Variants in RGS7 observed in about 807,000 individuals in gnomAD.
The protein encoded by RGS7 is regulator of G-protein signaling 7.
A neutral mutation model predicts 81.1 loss-of-function variants in RGS7; 27 were observed. The observed-to-expected ratio is 0.33, with a 90% CI of 0.25 to 0.46. The LOEUF (loss-of-function observed/expected upper bound fraction) is 0.46, where lower values mean the gene tolerates loss of function less well. Among genes scored for constraint, RGS7 ranks in the 20% least tolerant of loss-of-function variants. The pLI is 1.00. For missense variants in RGS7, 396 were observed against 607.4 expected, an observed-to-expected ratio of 0.65 and a Z score of 3.66; for synonymous variants, 208 against 207.7, an observed-to-expected ratio of 1.00 and a Z score of -0.01.
At chr1:240,813,269 A>G (rs1429336551) in intron 13 of RGS7, among the ~76,000 whole-genome samples, 1 of 152,242 alleles carries the variant, frequency 6.6e-6, no homozygotes, top group East Asian at 1.9e-4. Context: ...TGGCTTTAGC[A>G]TTCACTTTAC....
intron 4 of RGS7, among the ~76,000 whole-genome samples, chr1:240,971,466 C>T (rs931600523): frequency 1.3e-5 from 2 of 152,168 alleles, no homozygotes; most frequent in Admixed American, 6.6e-5. Flanking sequence ...TCTTGCTCAT[C>T]TCACATGAAA....
Position 241,156,074 on chromosome 1 carries a change from ACGCACG to A in RGS7, c.79-57318_79-57313del, listed in dbSNP as rs1199459254. ...AATATTAGAGTTCCTAAATTTACAC[ACGCACG>A]CACACACACACACACACACACACCT... is the stretch of plus-strand genomic sequence containing the variant. On this transcript the variant is annotated intron_variant, in intron 2 of 18. Transcript: ENST00000440928. Among the ~76,000 whole-genome samples, 195 of 140,364 alleles carry A rather than the reference ACGCACG, an allele frequency of 1.4e-3. 2 individuals carry two copies. The highest frequency in any genetic ancestry group is 5.5e-3 in the African/African-American group (189 of 34,382). 92.1% of individuals were successfully genotyped at this position (140,364 alleles called of 152,430 possible).
intron 10 of RGS7, among the ~76,000 whole-genome samples, chr1:240,825,726 G>A (rs1386382379): frequency 3.3e-5 from 5 of 152,140 alleles, no homozygotes; most frequent in African/African-American, 7.2e-5. Context: ...TGTAAAGAAC[G>A]ACATTGTAAA....
chr1:241,113,321 G>A (rs886328222), intron 2 of RGS7, among the ~76,000 whole-genome samples: 1 of 152,082 alleles, frequency 6.6e-6, no homozygotes, highest in African/African-American at 2.4e-5. Flanking sequence ...AACATCAGAA[G>A]GTCATGGCAG....
At chr1:241,004,972 G>A (rs1486367550) in intron 3 of RGS7, among the ~76,000 whole-genome samples, 1 of 152,170 alleles carries the variant, frequency 6.6e-6, no homozygotes, top group Non-Finnish European at 1.5e-5. Context: ...CTGCTTCAGG[G>A]TATTGCATTC....
chr1:240,959,246 AC>A (rs1680945120), intron 4 of RGS7, among the ~76,000 whole-genome samples: 1 of 152,188 alleles, frequency 6.6e-6, no homozygotes, highest in African/African-American at 2.4e-5. Context: ...CTGAGAATAA[AC>A]AAGAGGAAAA....
intron 2 of RGS7, among the ~76,000 whole-genome samples, chr1:241,241,371 C>T (rs1365385129): frequency 6.6e-6 from 1 of 151,822 alleles, no homozygotes. Flanking sequence ...ATTACTTTTG[C>T]ACCAACTAGT....
At chr1:240,845,388 C>A (rs757459502) in intron 9 of RGS7, among the ~76,000 whole-genome samples, 5 of 152,174 alleles carry the variant, frequency 3.3e-5, no homozygotes, top group Non-Finnish European at 7.3e-5. Context: ...CTCAATTAAT[C>A]ATTTCACTAA....
chr1:241,002,792 T>A (rs2058468073), intron 3 of RGS7, among the ~76,000 whole-genome samples: 2 of 152,196 alleles, frequency 1.3e-5, no homozygotes, highest in Non-Finnish European at 2.9e-5. Context: ...GTAAACAGGA[T>A]GTTCACGTAA....
chr1:241,187,939 A>G (rs2072271242), intron 2 of RGS7, among the ~76,000 whole-genome samples: 1 of 152,098 alleles, frequency 6.6e-6, no homozygotes, highest in South Asian at 2.1e-4. Context: ...GTGGGGTAGG[A>G]AGGGAAGGAG....
At chr1:241,166,217 A>T (rs989570822) in intron 2 of RGS7, among the ~76,000 whole-genome samples, 1 of 152,234 alleles carries the variant, frequency 6.6e-6, no homozygotes, top group Non-Finnish European at 1.5e-5. Flanking sequence ...TCCTTGAAGG[A>T]TAGGAAGAAG....
intron 2 of RGS7, among the ~76,000 whole-genome samples, chr1:241,268,660 C>A (rs2077719337): frequency 6.6e-6 from 1 of 152,092 alleles, no homozygotes; most frequent in Non-Finnish European, 1.5e-5. Context: ...GATTTTCTTG[C>A]AATTTTGCCT....
intron 3 of RGS7, among the ~76,000 whole-genome samples, chr1:241,028,936 C>G (rs1453898078): frequency 6.6e-6 from 1 of 152,084 alleles, no homozygotes; most frequent in Non-Finnish European, 1.5e-5. Flanking sequence ...TCAAAAGATA[C>G]TGTGTTCCTA....
At chr1:241,306,319 G>A (rs1201320317) in intron 2 of RGS7, among the ~76,000 whole-genome samples, 1 of 145,300 alleles carries the variant, frequency 6.9e-6, no homozygotes, top group Non-Finnish European at 1.5e-5. Flanking sequence ...ATATACCCAT[G>A]TCCACACCCT....
chr1:240,841,534 C>T (rs1657991860), intron 9 of RGS7, among the ~76,000 whole-genome samples: 1 of 152,164 alleles, frequency 6.6e-6, no homozygotes, highest in African/African-American at 2.4e-5. Flanking sequence ...AAAGATAAAG[C>T]TAATAACGCC....
intron 7 of RGS7, 53 bp downstream of exon 7, chr1:240,870,002 C>T: frequency 7.0e-7 from 1 of 1,423,212 alleles, no homozygotes; most frequent in South Asian, 1.1e-5. Flanking sequence ...GGCTGTGGGC[C>T]TTACTGCTGT....
At chr1:240,982,380 C>G (rs2148555472) in intron 4 of RGS7, among the ~76,000 whole-genome samples, 1 of 143,638 alleles carries the variant, frequency 7.0e-6, no homozygotes, top group East Asian at 2.1e-4. Flanking sequence ...CGAGATTGCA[C>G]CACTGCACTC....
At chr1:241,025,957 C>T (rs529384402) in intron 3 of RGS7, among the ~76,000 whole-genome samples, 4 of 152,144 alleles carry the variant, frequency 2.6e-5, no homozygotes, top group Non-Finnish European at 5.9e-5. Context: ...GTTCGTGCAG[C>T]ACATAGCATT....
At chr1:240,832,215 T>A (rs1693976221) in intron 9 of RGS7, among the ~76,000 whole-genome samples, 1 of 152,188 alleles carries the variant, frequency 6.6e-6, no homozygotes, top group Non-Finnish European at 1.5e-5. Flanking sequence ...CAAGTAGACA[T>A]TCCATTAAAA....
Sources: allele counts gnomAD v4.1 joint callset (sites outside exome capture counted in the v4.1 genomes callset), GRCh38; gene constraint gnomAD v4.1.1; transcripts MANE v1.5; gene names NCBI Gene and HGNC (gene_info 2026-07-23, HGNC 2026-07-21).